The following NF2 variants were observed in gnomAD, a reference collection of about 807,000 sequenced individuals.
NF2 encodes the protein NF2, moesin-ezrin-radixin like (MERLIN) tumor suppressor.
In NF2, 8 loss-of-function variants were observed where a neutral mutation model predicts 83.7. That is an observed-to-expected ratio of 0.10 (90% CI 0.06 to 0.17). NF2 has a LOEUF of 0.17. Ranked by LOEUF, NF2 falls within the 10% of genes least tolerant of loss-of-function variation. The pLI, the probability that NF2 is intolerant of heterozygous loss-of-function variation, is 1.00. For missense variants in NF2, 533 were observed against 744.4 expected (o/e 0.72, Z 3.31); for synonymous variants, 266 against 269.6 (o/e 0.99, Z 0.13).
At chr22:29,644,369 C>G (rs1378505252) in intron 4 of NF2, among the ~76,000 whole-genome samples, 1 of 145,402 alleles carries the variant, frequency 6.9e-6, no homozygotes, top group Non-Finnish European at 1.5e-5. Flanking sequence ...TGATGGCGGC[C>G]GGGAAGAGGC....
intron 1 of NF2, among the ~76,000 whole-genome samples, chr22:29,620,701 G>T (rs1297841066): frequency 1.3e-5 from 2 of 152,014 alleles, no homozygotes; most frequent in Non-Finnish European, 2.9e-5. Flanking sequence ...CTCCAGCCTG[G>T]ATGACAGGGA....
intron 13 of NF2, among the ~76,000 whole-genome samples, chr22:29,677,821 T>C (rs2067010991): frequency 6.6e-6 from 1 of 152,240 alleles, no homozygotes. Flanking sequence ...ATCTATTTCC[T>C]GAACAAGACT....
At chr22:29,627,010 A>G (rs1232669410) in intron 1 of NF2, among the ~76,000 whole-genome samples, 2 of 152,146 alleles carry the variant, frequency 1.3e-5, no homozygotes, top group Admixed American at 6.6e-5. Flanking sequence ...TATACAGTCA[A>G]CTCATGATTA....
intron 1 of NF2, among the ~76,000 whole-genome samples, chr22:29,630,431 A>G (rs754373971): frequency 2.0e-5 from 3 of 152,266 alleles, no homozygotes; most frequent in Non-Finnish European, 2.9e-5. Context: ...AAGTTCATAC[A>G]CATCTATCCA....
chr22:29,660,451 T>G (rs888557442), intron 7 of NF2, among the ~76,000 whole-genome samples: 1 of 152,228 alleles, frequency 6.6e-6, no homozygotes, highest in African/African-American at 2.4e-5. Context: ...ACTTGCTTTA[T>G]CACATGAAGA....
intron 13 of NF2, among the ~76,000 whole-genome samples, chr22:29,675,559 TGCACAGGTG>T (rs910196408): frequency 1.3e-5 from 2 of 151,772 alleles, no homozygotes; most frequent in African/African-American, 2.4e-5. Flanking sequence ...GTTCTCAGGG[TGCACAGGTG>T]CCTAGAGGAG....
At chr22:29,626,215 G>A (rs1439352255) in intron 1 of NF2, among the ~76,000 whole-genome samples, 2 of 147,398 alleles carry the variant, frequency 1.4e-5, no homozygotes, top group African/African-American at 2.5e-5. Context: ...GTACAGTGGC[G>A]CCATCTCAGC....
At chr22:29,607,985 C>T (rs1336962118) in intron 1 of NF2, among the ~76,000 whole-genome samples, 1 of 151,432 alleles carries the variant, frequency 6.6e-6, no homozygotes, top group Admixed American at 6.6e-5. Context: ...CCAGCCTGAC[C>T]AACATGGTAA....
Position 29,603,795 on chromosome 22 carries a change from C to A in NF2, c.-204C>A, listed in dbSNP as rs1800539. 203,087 of 571,324 alleles carry A rather than the reference C, an allele frequency of 0.36. 37,610 individuals are homozygous for A. Among genetic ancestry groups the A allele is most frequent in the South Asian group, 0.51 (23,399 of 45,664 alleles). The allele number at this position is 571,324 out of a possible 1,614,324, so 35.4% of individuals were successfully genotyped here. A position where few individuals can be genotyped will look rare whatever the true frequency, so the allele number is the denominator to read the frequency against. Reference sequence around the variant, plus strand: ...TGTGCCCTCCCTGCAGCCGTCAGGGCCCGTCCCCCAACTCCCCTTTCCGCT... The same window carrying A: ...TGTGCCCTCCCTGCAGCCGTCAGGGACCGTCCCCCAACTCCCCTTTCCGCT... On this transcript the variant is annotated 5_prime_UTR_variant, in exon 1 of 16. Transcript: ENST00000338641.
At position 29,661,324 on chromosome 22, in the gene NF2, G is replaced by T. The variant is rs376609988; in HGVS notation, c.795G>T (p.Ser265=). 1 of 1,613,936 alleles carries T rather than the reference G, an allele frequency of 6.2e-7. No homozygotes were observed. The highest frequency in any genetic ancestry group is 1.1e-5 in the South Asian group (1 of 91,088). The change falls in exon 8 of 16, where the codon TCG becomes TCT. Residue 265 remains serine (S), a synonymous_variant. Transcript: ENST00000338641. The stretch of plus-strand genomic sequence containing the variant: ...CGTGGAATGAAATCCGAAACATCTC[G>T]TACAGTGACAAGGAGGTAGGACATG... ...SFPWNEIRNI[S]YSDKEFTIKP...
intron 1 of NF2, among the ~76,000 whole-genome samples, chr22:29,624,843 TTC>T (rs1029542313): frequency 1.7e-4 from 24 of 144,580 alleles, no homozygotes; most frequent in Non-Finnish European, 2.6e-4. Flanking sequence ...CTTTCTTTCT[TTC>T]TTTCTTTCTT....
Position 29,609,339 on chromosome 22 carries a change from T to G in NF2, c.114+5227T>G, listed in dbSNP as rs901919774. 16 of 641,378 alleles carry G rather than the reference T, an allele frequency of 2.5e-5. No individual in the cohort carries two copies. The African/African-American group carries it at 2.9e-4, about 12-fold the overall frequency. 39.7% of individuals were successfully genotyped at this position (641,378 alleles called of 1,614,324 possible). A position where few individuals can be genotyped will look rare whatever the true frequency, so the allele number is the denominator to read the frequency against. On this transcript the variant is annotated intron_variant, in intron 1 of 15. Transcript: ENST00000338641. The stretch of plus-strand genomic sequence containing the variant: ...CAGTTCCCATCTTTGGCTATAGAGG[T>G]CGCTGGTGGAATAGATCCTGACACT...
chr22:29,642,051 G>A (rs1265498176), intron 3 of NF2, 151 bp from the exon 4 acceptor site: 1 of 694,154 alleles, frequency 1.4e-6, no homozygotes. Context: ...GTCTGCATCA[G>A]TAAAAAAAAA....
Position 29,608,574 on chromosome 22 carries a change from C to T in NF2, c.114+4462C>T, listed in dbSNP as rs561907709. ...ACCCCAGCTACTTGGGAGGTTGAGG[C>T]GGGAGAATTGCTTGAACCCGGGAGG... On this transcript the variant is annotated intron_variant, in intron 1 of 15. Coordinates refer to ENST00000338641, the MANE Select transcript of NF2 (RefSeq NM_000268.4). 5.4e-5 allele frequency among the ~76,000 whole-genome samples: 8 copies of T among 148,300 alleles called. No individual in the cohort carries two copies. The South Asian group carries it at 6.8e-4, about 13-fold the overall frequency.
intron 3 of NF2, 143 bp downstream of exon 3, chr22:29,639,355 G>A: frequency 9.7e-7 from 1 of 1,026,566 alleles, no homozygotes; most frequent in Non-Finnish European, 1.5e-6. Flanking sequence ...GTTCTGTAAT[G>A]GAAAAAAGGC....
chr22:29,661,367 T>C, intron 8 of NF2, 28 bp downstream of exon 8: 1 of 1,612,432 alleles, frequency 6.2e-7, no homozygotes, highest in Non-Finnish European at 8.5e-7. Context: ...TGCAGATGGG[T>C]CCAGCAGATC....
intron 1 of NF2, chr22:29,608,913 G>A (rs2064876304): frequency 1.8e-6 from 1 of 541,302 alleles, no homozygotes; most frequent in Non-Finnish European, 3.4e-6. Flanking sequence ...GCATCGGGCT[G>A]CAAGATTGGC....
At chr22:29,656,654 TG>T (rs1361033755) in intron 6 of NF2, among the ~76,000 whole-genome samples, 1 of 152,076 alleles carries the variant, frequency 6.6e-6, no homozygotes, top group Non-Finnish European at 1.5e-5. Context: ...CCTCGTGATC[TG>T]CCTGCCTCGG....
intron 1 of NF2, among the ~76,000 whole-genome samples, chr22:29,628,565 T>G (rs1279238546): frequency 6.6e-6 from 1 of 151,022 alleles, no homozygotes; most frequent in African/African-American, 2.4e-5. Flanking sequence ...TGGCAGAAAC[T>G]GACAGGGCAA....
Sources: gnomAD v4.1 joint callset for allele counts (sites outside exome capture counted in the v4.1 genomes callset) on GRCh38, gnomAD v4.1.1 for gene constraint, MANE v1.5 for transcripts, NCBI Gene and HGNC (gene_info 2026-07-23, HGNC 2026-07-21) for gene names.